GSE1: variants seen among roughly 807,000 people sequenced by gnomAD.
GSE1 encodes Gse1 coiled-coil protein, also known as genetic suppressor element 1.
Under a neutral mutation model 112.6 loss-of-function variants are expected in GSE1, and 32 were observed. The ratio of observed to expected loss-of-function variants is 0.28; its 90% CI spans 0.21 to 0.38. The LOEUF is 0.38. Among genes scored for constraint, GSE1 ranks in the 10% least tolerant of loss-of-function variants. The probability of loss-of-function intolerance (pLI) is 1.00; values close to 1 mark genes in which losing one functional copy is unlikely to be tolerated. For missense variants in GSE1, 2,348 were observed against 1,699.2 expected (o/e 1.38, Z -6.71); for synonymous variants, 1,115 against 735.6 (o/e 1.52, Z -8.35).
At chr16:85,368,576 A>C (rs1010163560) in intron 2 of GSE1, among the ~76,000 whole-genome samples, 7 of 151,510 alleles carry the variant, frequency 4.6e-5, no homozygotes, top group Non-Finnish European at 1.0e-4. Context: ...GTGGTGGTGC[A>C]CACCTGTAGT....
chr16:85,666,753 C>T (rs957679541), intron 13 of GSE1: 2 of 216,256 alleles, frequency 9.2e-6, no homozygotes, highest in South Asian at 6.3e-5. Flanking sequence ...TGCAGATGGC[C>T]GCCAGTCCTC....
chr16:85,318,137 G>T (rs139375801), intron 1 of GSE1, among the ~76,000 whole-genome samples: 1 of 152,216 alleles, frequency 6.6e-6, no homozygotes, highest in Admixed American at 6.5e-5. Flanking sequence ...TGGGGCCAGG[G>T]ATGCGGTGCC....
At chr16:85,329,114 C>T (rs904782886) in intron 1 of GSE1, among the ~76,000 whole-genome samples, 5 of 152,168 alleles carry the variant, frequency 3.3e-5, no homozygotes, top group Admixed American at 3.3e-4. Flanking sequence ...CCTCCCCCTC[C>T]CCCACAGCTC....
At chr16:85,502,544 G>A (rs1224553560) in intron 2 of GSE1, among the ~76,000 whole-genome samples, 1 of 152,232 alleles carries the variant, frequency 6.6e-6, no homozygotes, top group African/African-American at 2.4e-5. Context: ...GCCAGCGCTG[G>A]GCCAGGCCTG....
exon 1 of GSE1, chr16:85,170,961 G>C (rs1341112383): frequency 1.0e-6 from 1 of 985,386 alleles, no homozygotes; most frequent in Non-Finnish European, 1.2e-6. Flanking sequence ...CCCTGCGAGA[G>C]GCCTGCTACC....
intron 2 of GSE1, among the ~76,000 whole-genome samples, chr16:85,378,549 G>A (rs1003406003): frequency 6.6e-6 from 1 of 152,000 alleles, no homozygotes; most frequent in African/African-American, 2.4e-5. Flanking sequence ...CCATGACAGC[G>A]TACACATGCA....
At chr16:85,199,601 G>A (rs995866622) in intron 1 of GSE1, among the ~76,000 whole-genome samples, 1 of 152,220 alleles carries the variant, frequency 6.6e-6, no homozygotes, top group Non-Finnish European at 1.5e-5. Context: ...TGATTTCTGG[G>A]TAATGCGTAG....
exon 1 of GSE1, chr16:85,169,704 C>T: frequency 1.0e-6 from 1 of 983,540 alleles, no homozygotes; most frequent in Non-Finnish European, 1.2e-6. Context: ...CGGCGCAGCC[C>T]TTCTTCCCGT....
At chr16:85,462,555 T>C (rs1416310931) in intron 2 of GSE1, among the ~76,000 whole-genome samples, 2 of 151,926 alleles carry the variant, frequency 1.3e-5, no homozygotes, top group Non-Finnish European at 2.9e-5. Flanking sequence ...TGCTCGGCAC[T>C]TGAACTGTCA....
chr16:85,268,903 AG>A (rs1908540915), intron 1 of GSE1, among the ~76,000 whole-genome samples: 1 of 125,796 alleles, frequency 7.9e-6, no homozygotes, highest in African/African-American at 2.5e-5. Context: ...TTTCTACTTG[AG>A]GGGGGACCAG....
In GSE1 at chr16:85,656,528, G is replaced by T. The variant is rs766892362; in HGVS notation, c.1175G>T (p.Arg392Leu). Residue 392 changes from arginine to leucine, a missense_variant, in exon 7 of 16, where the codon CGG becomes CTG. Transcript: ENST00000253458. Reference protein sequence around the residue: ...ERELERQREQRAREKELLAAK... With the variant: ...ERELERQREQLAREKELLAAK... Reference sequence around the variant, plus strand: ...GAGCTGGAGCGCCAGCGGGAGCAGCGGGCCCGGGAGAAGGAGCTGCTGGCC... The same window carrying T: ...GAGCTGGAGCGCCAGCGGGAGCAGCTGGCCCGGGAGAAGGAGCTGCTGGCC... 14 of 1,548,894 alleles carry T rather than the reference G, an allele frequency of 9.0e-6. No individual in the cohort carries two copies. The highest frequency in any genetic ancestry group is 1.2e-5 in the Non-Finnish European group (14 of 1,146,428).
At chr16:85,290,532 G>A (rs574997646) in intron 1 of GSE1, among the ~76,000 whole-genome samples, 5 of 152,268 alleles carry the variant, frequency 3.3e-5, no homozygotes, top group Middle Eastern at 3.4e-3. Flanking sequence ...CAGCTGCCCT[G>A]TGCAGTTGTG....
chr16:85,203,558 G>A (rs1418813223), intron 1 of GSE1, among the ~76,000 whole-genome samples: 1 of 152,154 alleles, frequency 6.6e-6, no homozygotes, highest in Non-Finnish European at 1.5e-5. Context: ...GACACGGAAG[G>A]GGAGGAAGAG....
chr16:85,544,611 C>G (rs146541563), intron 2 of GSE1, among the ~76,000 whole-genome samples: 6 of 152,316 alleles, frequency 3.9e-5, no homozygotes, highest in African/African-American at 1.4e-4. Context: ...GGGATGAAGC[C>G]GCTCATAGAA....
intron 2 of GSE1, among the ~76,000 whole-genome samples, chr16:85,639,257 TC>T: frequency 6.6e-6 from 1 of 152,326 alleles, no homozygotes; most frequent in Non-Finnish European, 1.5e-5. Flanking sequence ...CCCAGACTCC[TC>T]GGGTGGCACC....
intron 2 of GSE1, among the ~76,000 whole-genome samples, chr16:85,481,910 G>A (rs905151287): frequency 1.3e-5 from 2 of 152,208 alleles, no homozygotes; most frequent in Admixed American, 6.5e-5. Flanking sequence ...CCCTCCAGCC[G>A]GCATCCACAT....
chr16:85,574,423 A>G (rs913021698), intron 1 of GSE1, among the ~76,000 whole-genome samples: 6 of 152,142 alleles, frequency 3.9e-5, no homozygotes, highest in African/African-American at 9.7e-5. Flanking sequence ...GAGCTCTGCA[A>G]TCCACCTGTC....
At position 85,187,018 on chromosome 16, in the gene GSE1, T is replaced by C. The variant is rs540761306; in HGVS notation, c.2283+15211T>C. Among the ~76,000 whole-genome samples, 26 of 152,342 alleles carry C rather than the reference T, an allele frequency of 1.7e-4. No individual in the cohort carries two copies. The South Asian group carries it at 3.7e-3, about 22-fold the overall frequency. ...TGGATGAGGCCAGCCCTGCTGAGCA[T>C]GTGCTGGGCCAGCACTGGGGTTGGT... On this transcript the variant is annotated intron_variant, in intron 1 of 2. Coordinates refer to the GSE1 transcript ENST00000637419.
intron 2 of GSE1, among the ~76,000 whole-genome samples, chr16:85,468,709 G>A (rs2050196244): frequency 6.6e-6 from 1 of 152,128 alleles, no homozygotes. Context: ...TCCCCTCCCT[G>A]CCTGGAGCCA....
Sources: gnomAD v4.1 joint callset for allele counts (sites outside exome capture counted in the v4.1 genomes callset) on GRCh38, gnomAD v4.1.1 for gene constraint, MANE v1.5 for transcripts, NCBI Gene and HGNC (gene_info 2026-07-23, HGNC 2026-07-21) for gene names.